Variants in ADCY5 observed in about 807,000 individuals in gnomAD.
ADCY5 encodes the protein adenylate cyclase type 5.
A neutral mutation model predicts 119.7 loss-of-function variants in ADCY5; 30 were observed. That is an observed-to-expected ratio of 0.25 (90% CI 0.19 to 0.34). ADCY5 has a LOEUF of 0.34. Ranked by LOEUF, ADCY5 falls within the 10% of genes least tolerant of loss-of-function variation. The pLI is 1.00. For synonymous variants in ADCY5, 753 were observed against 762.2 expected (o/e 0.99, Z 0.20); for missense variants, 1,324 against 1,775.2 (o/e 0.75, Z 4.57).
intron 12 of ADCY5, among the ~76,000 whole-genome samples, chr3:123,306,425 T>C (rs1338984057): frequency 6.6e-6 from 1 of 152,142 alleles, no homozygotes; most frequent in African/African-American, 2.4e-5. Flanking sequence ...ACTACAGAAC[T>C]CTTATGGGAA....
At chr3:123,303,882 AGAAGAGAAGAGAAG>A (rs1940024216) in intron 13 of ADCY5, among the ~76,000 whole-genome samples, 171 bp downstream of exon 13, 1 of 108,266 alleles carries the variant, frequency 9.2e-6, no homozygotes, top group African/African-American at 3.9e-5. Context: ...AGAAGAGAAG[AGAAGAGAAGAGAAG>A]AAAGAACTTG....
intron 12 of ADCY5, among the ~76,000 whole-genome samples, chr3:123,304,842 T>C (rs1940113977): frequency 6.6e-6 from 1 of 152,126 alleles, no homozygotes; most frequent in Admixed American, 6.5e-5. Context: ...ATGATTGGGC[T>C]CCTAAGTCCC....
chr3:123,392,281 G>A (rs1468321494), intron 1 of ADCY5, among the ~76,000 whole-genome samples: 1 of 152,162 alleles, frequency 6.6e-6, no homozygotes, highest in African/African-American at 2.4e-5. Flanking sequence ...GATTGTTCAA[G>A]TGGTGTCTAT....
At chr3:123,319,970 C>T (rs1334456120) in intron 9 of ADCY5, 152 bp from the exon 10 acceptor site, 7 of 1,106,490 alleles carry the variant, frequency 6.3e-6, no homozygotes, top group Non-Finnish European at 6.3e-6. Flanking sequence ...AGACTGAGAC[C>T]AGAAGCCTAA....
intron 1 of ADCY5, among the ~76,000 whole-genome samples, chr3:123,383,806 C>T (rs924103727): frequency 6.6e-6 from 1 of 151,988 alleles, no homozygotes; most frequent in East Asian, 1.9e-4. Flanking sequence ...TACACGCACA[C>T]ACACCCTTCC....
At chr3:123,416,930 C>G (rs1332033102) in intron 1 of ADCY5, among the ~76,000 whole-genome samples, 1 of 152,168 alleles carries the variant, frequency 6.6e-6, no homozygotes, top group Admixed American at 6.5e-5. Flanking sequence ...TGTGAGAACA[C>G]AGAGAAAAGA....
chr3:123,323,684 C>T (rs1941338000), intron 8 of ADCY5, among the ~76,000 whole-genome samples: 1 of 151,894 alleles, frequency 6.6e-6, no homozygotes, highest in African/African-American at 2.4e-5. Flanking sequence ...TTTTGAGATA[C>T]GGTCTCGCTC....
At chr3:123,299,470 CA>C (rs1316858677) in intron 15 of ADCY5, among the ~76,000 whole-genome samples, 2 of 152,226 alleles carry the variant, frequency 1.3e-5, no homozygotes, top group Non-Finnish European at 2.9e-5. Context: ...CAATTTCACC[CA>C]AAGCCTAAGG....
chr3:123,396,389 A>G (rs1459638699), intron 1 of ADCY5, among the ~76,000 whole-genome samples: 1 of 130,816 alleles, frequency 7.6e-6, no homozygotes, highest in Non-Finnish European at 1.6e-5. Flanking sequence ...AAGGGAGGGA[A>G]AGAGAGAAAA....
In ADCY5 at chr3:123,352,680, C is replaced by A. The variant is rs577248235; in HGVS notation, c.1135-99G>T. ...CCTGTCTCAGCAAACTCACACCTGGCGCTAGCAAACAAATGCTGAGGGCAC... is the reference window on the plus strand; with the variant it reads ...CCTGTCTCAGCAAACTCACACCTGGAGCTAGCAAACAAATGCTGAGGGCAC... On this transcript the variant is annotated intron_variant, in intron 1 of 20. Transcript: ENST00000462833. This position sits in a 1 kb window ranked among gnomAD's most constrained non-coding sequence, Gnocchi z 4.8. The A allele has an allele frequency of 9.8e-4, 1,350 of 1,380,516 alleles. 2 individuals carry two copies. Among genetic ancestry groups the A allele is most frequent in the Non-Finnish European group, 1.2e-3 (1,251 of 1,028,900 alleles). The allele number at this position is 1,380,516 out of a possible 1,614,324, so 85.5% of individuals were successfully genotyped here. A position where few individuals can be genotyped will look rare whatever the true frequency, so the allele number is the denominator to read the frequency against.
intron 1 of ADCY5, among the ~76,000 whole-genome samples, chr3:123,355,145 T>G (rs1381796295): frequency 6.6e-6 from 1 of 152,078 alleles, no homozygotes; most frequent in Non-Finnish European, 1.5e-5. Context: ...ACACACAGAT[T>G]AGAAAGGAAG....
chr3:123,377,481 C>G (rs1276047745), intron 1 of ADCY5, among the ~76,000 whole-genome samples: 1 of 152,196 alleles, frequency 6.6e-6, no homozygotes, highest in Non-Finnish European at 1.5e-5. Flanking sequence ...GTGGGTCCCC[C>G]CACAACAGCC....
At chr3:123,416,390 A>C in intron 1 of ADCY5, 1 of 1,468,300 alleles carries the variant, frequency 6.8e-7, no homozygotes, top group Non-Finnish European at 9.1e-7. Flanking sequence ...CAGGCTGCTT[A>C]ACAGTGGAAC....
intron 12 of ADCY5, among the ~76,000 whole-genome samples, chr3:123,308,332 C>T (rs967663047): frequency 3.3e-5 from 5 of 151,872 alleles, no homozygotes; most frequent in African/African-American, 4.8e-5. Flanking sequence ...CCACTGCACC[C>T]GGCCACACTC....
intron 1 of ADCY5, among the ~76,000 whole-genome samples, chr3:123,390,147 C>G (rs1944361041): frequency 6.6e-6 from 1 of 152,146 alleles, no homozygotes; most frequent in Admixed American, 6.5e-5. Context: ...GGGCCATCAG[C>G]TAGAGGAGAG....
chr3:123,332,720 T>A (rs1262683388), intron 3 of ADCY5, 45 bp from the exon 4 acceptor site: 1 of 1,287,006 alleles, frequency 7.8e-7, no homozygotes, highest in East Asian at 2.3e-5. Flanking sequence ...AGGCTGAATC[T>A]TTGTGTCTCC....
chr3:123,396,791 C>CAGGA (rs1944596246), intron 1 of ADCY5, among the ~76,000 whole-genome samples: 5 of 88,818 alleles, frequency 5.6e-5, no homozygotes, highest in African/African-American at 2.2e-4. Flanking sequence ...GGCAGGCAGG[C>CAGGA]AGGCAGGCAG....
At chr3:123,303,748 C>T (rs996355572) in intron 13 of ADCY5, among the ~76,000 whole-genome samples, 3 of 152,032 alleles carry the variant, frequency 2.0e-5, no homozygotes, top group African/African-American at 7.2e-5. Context: ...CCTCTTGATC[C>T]CAGGAGGTGG....
chr3:123,355,390 C>T (rs1308340461), intron 1 of ADCY5, among the ~76,000 whole-genome samples: 2 of 152,130 alleles, frequency 1.3e-5, no homozygotes, highest in Admixed American at 6.5e-5. Context: ...TTCAACCAAC[C>T]TTGGATCAAA....
Sources: gnomAD v4.1 joint callset for allele counts (sites outside exome capture counted in the v4.1 genomes callset) on GRCh38, gnomAD v4.1.1 for gene constraint, Gnocchi (gnomAD v3.1) non-coding constraint, MANE v1.5 for transcripts, NCBI Gene and HGNC (gene_info 2026-07-23, HGNC 2026-07-21) for gene names.